TYR: variants seen among roughly 807,000 people sequenced by gnomAD.
TYR encodes tyrosinase, also known as LB24-AB.
TYR carries 58 observed loss-of-function variants against 51.5 expected under a neutral mutation model. The ratio of observed to expected loss-of-function variants is 1.13; its 90% CI spans 0.91 to 1.40. TYR has a LOEUF of 1.40. TYR is among the 40% of genes most tolerant of loss of function. The pLI is 0.00. For synonymous variants in TYR, 263 were observed against 235.2 expected (o/e 1.12, Z -1.08); for missense variants, 732 against 647.4 (o/e 1.13, Z -1.42).
intron 3 of TYR, among the ~76,000 whole-genome samples, chr11:89,260,051 G>A (rs866431410): frequency 1.3e-5 from 2 of 151,938 alleles, no homozygotes; most frequent in Non-Finnish European, 2.9e-5. Context: ...TTATTCACTT[G>A]TAGATATTCT....
chr11:89,257,973 A>G (rs1944413934), intron 3 of TYR, among the ~76,000 whole-genome samples: 1 of 152,058 alleles, frequency 6.6e-6, no homozygotes, highest in Non-Finnish European at 1.5e-5. Flanking sequence ...TATCTTGAGA[A>G]TATGGATTTT....
At chr11:89,281,530 G>A (rs577800183) in intron 3 of TYR, among the ~76,000 whole-genome samples, 2 of 151,722 alleles carry the variant, frequency 1.3e-5, no homozygotes, top group East Asian at 2.0e-4. Flanking sequence ...GCCATTCATC[G>A]AAGTGTTTCA....
At position 89,192,552 on chromosome 11, in the gene TYR, G is replaced by A. The variant is rs545363151; in HGVS notation, c.1036+1134G>A. ...ACACCCCAACTTTTATTATTGTACT[G>A]TGCAGAGTGGTTTTACTGTTTCATT... On this transcript the variant is annotated intron_variant, in intron 2 of 4. Transcript: ENST00000263321. Among the ~76,000 whole-genome samples the A allele has an allele frequency of 5.3e-5, 8 of 151,352 alleles. No individual in the cohort carries two copies. The East Asian group carries it at 1.4e-3, about 26-fold the overall frequency.
chr11:89,196,830 T>C (rs138242412), intron 2 of TYR, among the ~76,000 whole-genome samples: 26 of 152,270 alleles, frequency 1.7e-4, no homozygotes, highest in African/African-American at 6.3e-4. Context: ...TGAAGTTCTT[T>C]AGGCTAAACC....
In TYR at chr11:89,212,632, C is replaced by T. The variant is rs148752137; in HGVS notation, c.1037-15191C>T. Among the ~76,000 whole-genome samples, 57 of 151,880 alleles carry T rather than the reference C, an allele frequency of 3.8e-4. No homozygotes were observed. In the East Asian group the frequency reaches 7.1e-3, roughly 19 times the overall value. On this transcript the variant is annotated intron_variant, in intron 2 of 4. Coordinates refer to ENST00000263321, the MANE Select transcript of TYR (RefSeq NM_000372.5). ...TACCAAAGCCTGGCAGAGATACAAC[C>T]GAAAAAGGAGAATTTTAGGCCAATA...
At position 89,190,085 on chromosome 11, in the gene TYR, C is replaced by T. The variant is rs558021788; in HGVS notation, c.820-1117C>T. On this transcript the variant is annotated intron_variant, in intron 1 of 4. Transcript: ENST00000263321. ...AGTCTAGCACATAGCATTATGTACA[C>T]TACATAATACTTGATAATGATAATA... Among the ~76,000 whole-genome samples the T allele has an allele frequency of 3.3e-5, 5 of 152,196 alleles. No homozygotes were observed. The South Asian group carries it at 1.0e-3, about 32-fold the overall frequency.
At chr11:89,228,976 T>C (rs1343511519) in intron 3 of TYR, among the ~76,000 whole-genome samples, 1 of 152,106 alleles carries the variant, frequency 6.6e-6, no homozygotes, top group East Asian at 1.9e-4. Flanking sequence ...AGTTAATGAA[T>C]AAAGGGCACA....
At chr11:89,212,262 C>A (rs1044771344) in intron 2 of TYR, among the ~76,000 whole-genome samples, 1 of 152,168 alleles carries the variant, frequency 6.6e-6, no homozygotes, top group South Asian at 2.1e-4. Context: ...GATATTGCCA[C>A]TGATCCCCCA....
At chr11:89,264,896 G>A (rs1944507969) in intron 3 of TYR, among the ~76,000 whole-genome samples, 1 of 151,964 alleles carries the variant, frequency 6.6e-6, no homozygotes, top group South Asian at 2.1e-4. Context: ...TTTCTTAAGT[G>A]CCATTTCTCT....
chr11:89,189,076 T>C (rs1298724941), intron 1 of TYR, among the ~76,000 whole-genome samples: 2 of 152,048 alleles, frequency 1.3e-5, no homozygotes, highest in Non-Finnish European at 2.9e-5. Flanking sequence ...ACCTAGAACC[T>C]ACTTTTAAAA....
Position 89,295,156 on chromosome 11 carries a change from T to C in TYR, c.1380T>C (p.Phe460=), listed in dbSNP as rs1238721579. The part of the protein sequence containing the change: ...SYLQDSDPDS[F]QDYIKSYLEQ... Reference sequence around the variant, plus strand: ...TTTTTATTTCAGACCCAGACTCTTTTCAAGACTACATTAAGTCCTATTTGG... The same window carrying C: ...TTTTTATTTCAGACCCAGACTCTTTCCAAGACTACATTAAGTCCTATTTGG... The change falls in exon 5 of 5, where the codon TTT becomes TTC. Residue 460 remains phenylalanine (F), a synonymous_variant. Coordinates refer to ENST00000263321, the MANE Select transcript of TYR (RefSeq NM_000372.5). 2 of 1,613,862 alleles carry C rather than the reference T, an allele frequency of 1.2e-6. No homozygotes were observed. The highest frequency in any genetic ancestry group is 2.7e-5 in the African/African-American group (2 of 74,930).
rs368061096 is a variant in TYR at position 89,177,944 on chromosome 11, T to C, written c.-10T>C. Reference sequence around the variant, plus strand: ...CAGTTCCTGCAGACCTTGTGAGGACTAGAGGAAGAATGCTCCTGGCTGTTT... The same window carrying C: ...CAGTTCCTGCAGACCTTGTGAGGACCAGAGGAAGAATGCTCCTGGCTGTTT... On this transcript the variant is annotated 5_prime_UTR_variant, in exon 1 of 5. Coordinates refer to ENST00000263321, the MANE Select transcript of TYR (RefSeq NM_000372.5). The C allele has an allele frequency of 5.8e-5, 94 of 1,613,700 alleles. No homozygotes were observed. The highest frequency in any genetic ancestry group is 7.5e-5 in the Non-Finnish European group (88 of 1,179,978).
At chr11:89,270,030 T>A (rs1590890988) in intron 3 of TYR, among the ~76,000 whole-genome samples, 1 of 151,934 alleles carries the variant, frequency 6.6e-6, no homozygotes. Flanking sequence ...CACGATTATG[T>A]CACTGCATGG....
intron 3 of TYR, among the ~76,000 whole-genome samples, chr11:89,233,547 A>C (rs2135286003): frequency 7.1e-6 from 1 of 140,824 alleles, no homozygotes; most frequent in Admixed American, 7.2e-5. Context: ...TATCTATGGA[A>C]TATATAGCCT....
chr11:89,245,675 C>T (rs565835659), intron 3 of TYR, among the ~76,000 whole-genome samples: 1 of 152,262 alleles, frequency 6.6e-6, no homozygotes, highest in African/African-American at 2.4e-5. Flanking sequence ...GTAATCCCAG[C>T]ACTTTGGGAG....
At chr11:89,291,578 G>C (rs1025638570) in intron 4 of TYR, among the ~76,000 whole-genome samples, 5 of 151,708 alleles carry the variant, frequency 3.3e-5, no homozygotes, top group Non-Finnish European at 7.4e-5. Flanking sequence ...AGTCTCCTGT[G>C]TACTTTTTCT....
chr11:89,207,580 G>A (rs1943688205), intron 2 of TYR, among the ~76,000 whole-genome samples: 1 of 152,116 alleles, frequency 6.6e-6, no homozygotes, highest in African/African-American at 2.4e-5. Context: ...GTTCCAGAAT[G>A]TAGAAGGGAA....
intron 3 of TYR, among the ~76,000 whole-genome samples, chr11:89,256,129 C>T (rs1015625250): frequency 5.3e-5 from 8 of 151,488 alleles, no homozygotes; most frequent in East Asian, 3.9e-4. Context: ...CTAATGAGCA[C>T]GTAAAATATT....
rs190553035 is a variant in TYR at position 89,231,165 on chromosome 11, C to T, written c.1184+3195C>T. 1.8e-3 allele frequency among the ~76,000 whole-genome samples: 192 copies of T among 106,664 alleles called. 3 individuals are homozygous for T. The highest frequency in any genetic ancestry group is 8.7e-3 in the African/African-American group (179 of 20,676). 70.0% of individuals were successfully genotyped at this position (106,664 alleles called of 152,430 possible). A position where few individuals can be genotyped will look rare whatever the true frequency, so the allele number is the denominator to read the frequency against. On this transcript the variant is annotated intron_variant, in intron 3 of 4. Transcript: ENST00000263321. ...CAGCCTGAGTGACAGGGTGAGACTTCGTCTCAAAAAAAAAAAAAAAAAAAA... is the reference window on the plus strand; with the variant it reads ...CAGCCTGAGTGACAGGGTGAGACTTTGTCTCAAAAAAAAAAAAAAAAAAAA...
Sources: gnomAD v4.1 joint callset for allele counts (sites outside exome capture counted in the v4.1 genomes callset) on GRCh38, gnomAD v4.1.1 for gene constraint, MANE v1.5 for transcripts, NCBI Gene and HGNC (gene_info 2026-07-23, HGNC 2026-07-21) for gene names.